The following DCHS2 variants were observed in gnomAD, a reference collection of about 807,000 sequenced individuals.
DCHS2 encodes protocadherin-23.
Under a neutral mutation model 182.4 loss-of-function variants are expected in DCHS2, and 142 were observed. That is an observed-to-expected ratio of 0.78 (90% CI 0.68 to 0.89). The LOEUF (loss-of-function observed/expected upper bound fraction) is 0.89. Ranked by LOEUF, DCHS2 falls within the 40% of genes least tolerant of loss-of-function variation. The pLI, the probability that DCHS2 is intolerant of heterozygous loss-of-function variation, is 0.00. For synonymous variants in DCHS2, 1,740 were observed against 1,663.3 expected (o/e 1.05, Z -1.12); for missense variants, 4,319 against 4,198.6 (o/e 1.03, Z -0.79).
intron 2 of DCHS2, among the ~76,000 whole-genome samples, chr4:154,374,725 T>A (rs758819328): frequency 3.3e-5 from 5 of 152,184 alleles, no homozygotes; most frequent in Non-Finnish European, 7.4e-5. Context: ...CTCTCACTAA[T>A]TTCAAAAGAG....
chr4:154,408,246 C>T (rs1732479111), intron 1 of DCHS2, among the ~76,000 whole-genome samples: 2 of 152,148 alleles, frequency 1.3e-5, no homozygotes, highest in South Asian at 2.1e-4. Context: ...TTTAAAATTA[C>T]ATTAATCATA....
At chr4:154,434,913 G>A (rs1460432902) in intron 1 of DCHS2, among the ~76,000 whole-genome samples, 1 of 152,092 alleles carries the variant, frequency 6.6e-6, no homozygotes, top group Non-Finnish European at 1.5e-5. Flanking sequence ...CAAAACCAAG[G>A]AAAGTCTGGG....
intron 19 of DCHS2, among the ~76,000 whole-genome samples, chr4:154,238,377 A>T (rs1347338978): frequency 6.6e-6 from 1 of 152,192 alleles, no homozygotes; most frequent in East Asian, 1.9e-4. Context: ...TTGTGAAATG[A>T]TGCAATGGTG....
At chr4:154,265,008 TTATATA>T (rs1733171301) in intron 14 of DCHS2, among the ~76,000 whole-genome samples, 1 of 152,178 alleles carries the variant, frequency 6.6e-6, no homozygotes. Flanking sequence ...ATGTTGGACT[TTATATA>T]TGTTAAAGTA....
chr4:154,466,140 A>T (rs952784255), intron 1 of DCHS2, among the ~76,000 whole-genome samples: 1 of 152,146 alleles, frequency 6.6e-6, no homozygotes, highest in Non-Finnish European at 1.5e-5. Flanking sequence ...TTTGTCATAA[A>T]CAACTAGAAA....
At chr4:154,409,011 A>T (rs1470765472) in intron 1 of DCHS2, among the ~76,000 whole-genome samples, 2 of 152,168 alleles carry the variant, frequency 1.3e-5, no homozygotes, top group African/African-American at 4.8e-5. Context: ...GGAGCTCATC[A>T]TCTCCTGTGG....
At chr4:154,303,484 CAAAAAAAA>C (rs35984605) in intron 12 of DCHS2, among the ~76,000 whole-genome samples, 3 of 84,416 alleles carry the variant, frequency 3.6e-5, no homozygotes, top group African/African-American at 8.3e-5. Context: ...GTAAGTGAAG[CAAAAAAAA>C]AAAAAAAAAA....
intron 1 of DCHS2, among the ~76,000 whole-genome samples, chr4:154,392,574 T>C (rs909923121): frequency 6.6e-6 from 1 of 152,178 alleles, no homozygotes; most frequent in African/African-American, 2.4e-5. Context: ...AAAAGGGTCA[T>C]AGTCACAATG....
At chr4:154,469,966 T>C (rs1355461813) in intron 1 of DCHS2, among the ~76,000 whole-genome samples, 1 of 152,228 alleles carries the variant, frequency 6.6e-6, no homozygotes, top group Admixed American at 6.5e-5. Context: ...ATTTTCTGTC[T>C]GTCTTCTCCC....
At chr4:154,374,201 T>C (rs951960789) in intron 2 of DCHS2, 2 of 480,902 alleles carry the variant, frequency 4.2e-6, no homozygotes, top group Non-Finnish European at 7.4e-6. Context: ...GGACAGCAGT[T>C]CTACGACTAC....
At chr4:154,412,544 G>A (rs1402885813) in intron 1 of DCHS2, among the ~76,000 whole-genome samples, 1 of 151,306 alleles carries the variant, frequency 6.6e-6, no homozygotes, top group African/African-American at 2.4e-5. Flanking sequence ...CATAATATAC[G>A]CAAAACTGAA....
At chr4:154,323,455 A>T in intron 7 of DCHS2, 2 of 1,367,030 alleles carry the variant, frequency 1.5e-6, no homozygotes, top group Admixed American at 2.6e-5. Flanking sequence ...TTGGCCTCCC[A>T]GATAGCTGGG....
At chr4:154,388,313 G>A (rs1458750536) in intron 1 of DCHS2, among the ~76,000 whole-genome samples, 1 of 150,958 alleles carries the variant, frequency 6.6e-6, no homozygotes, top group East Asian at 1.9e-4. Context: ...ATTGAGGTGA[G>A]TAAAAAAAAA....
At chr4:154,378,520 A>AGAAG (rs70947162) in intron 1 of DCHS2, among the ~76,000 whole-genome samples, 16,451 of 64,022 alleles carry the variant, frequency 0.26, 2,392 homozygotes, top group Middle Eastern at 0.33. Context: ...AAGGAAGGAA[A>AGAAG]GAAGGAAGGA....
Position 154,333,417 on chromosome 4 carries a change from T to C in DCHS2, c.2791A>G (p.Thr931Ala). 6.2e-7 allele frequency: 1 copy of C among 1,614,020 alleles called. No homozygotes were observed. The highest frequency in any genetic ancestry group is 8.5e-7 in the Non-Finnish European group (1 of 1,180,022). Reference sequence around the variant, plus strand: ...TCCAGGGGCTTCCGGGTGCGAATAGTGCCCAGCCGCGGGTGAATGGAGAAC... The same window carrying C: ...TCCAGGGGCTTCCGGGTGCGAATAGCGCCCAGCCGCGGGTGAATGGAGAAC... ...GKFSIHPRLG[T>A]IRTRKPLDHE... The change falls in exon 5 of 20, where the codon ACT (threonine) becomes GCT (alanine). Residue 931 changes from threonine (T) to alanine (A), a missense_variant. Thr to Ala is a moderately conservative substitution (Grantham distance 58). Coordinates refer to ENST00000357232, the MANE Select transcript of DCHS2 (RefSeq NM_001358235.2).
In DCHS2 at chr4:154,366,239, G is replaced by A. The variant is rs756567652; in HGVS notation, c.2447C>T (p.Ser816Leu). ...VAYELIPGNV[S>L]SLFTIDSTTG... ...GGTGGAGTCAATGGTAAAAAGGGAC[G>A]ACACGTTTCCTGGAATAAGCTCATA... is the stretch of plus-strand genomic sequence containing the variant. Residue 816 changes from serine (S) to leucine (L), a missense_variant, in exon 3 of 20, where the codon TCG (serine) becomes TTG (leucine). By Grantham distance (145) the Ser-to-Leu change is moderately radical (BLOSUM62 -2). Transcript: ENST00000357232. 14 of 1,613,418 alleles carry A rather than the reference G, an allele frequency of 8.7e-6. No homozygotes were observed. The East Asian group carries it at 1.1e-4, about 13-fold the overall frequency.
At chr4:154,391,272 G>T (rs1731689400) in intron 1 of DCHS2, 1 of 1,604,460 alleles carries the variant, frequency 6.2e-7, no homozygotes. Context: ...TTCATTCTCT[G>T]ATTTCGTTAT....
At chr4:154,366,940 A>G (rs28515065) in intron 2 of DCHS2, among the ~76,000 whole-genome samples, 2,835 of 152,290 alleles carry the variant, frequency 0.019, 85 homozygotes, top group African/African-American at 0.062. Flanking sequence ...GAGCATGGGC[A>G]GGGGGGTGCC....
At chr4:154,390,083 CTTTTT>C (rs905913677) in intron 1 of DCHS2, among the ~76,000 whole-genome samples, 1 of 150,254 alleles carries the variant, frequency 6.7e-6, no homozygotes, top group African/African-American at 2.4e-5. Flanking sequence ...TGTTGATACT[CTTTTT>C]TTTTATTTTT....
Sources: allele counts gnomAD v4.1 joint callset (sites outside exome capture counted in the v4.1 genomes callset), GRCh38; gene constraint gnomAD v4.1.1; transcripts MANE v1.5; gene names NCBI Gene and HGNC (gene_info 2026-07-23, HGNC 2026-07-21).